Variants in TOX3 observed in about 807,000 individuals in gnomAD.
TOX3 encodes the protein TOX high mobility group box family member 3.
A neutral mutation model predicts 64.3 loss-of-function variants in TOX3; 22 were observed. The observed-to-expected ratio is 0.34, with a 90% CI of 0.24 to 0.49. The LOEUF is 0.49. TOX3 is among the 20% of genes least tolerant of loss of function. The pLI, the probability that TOX3 is intolerant of heterozygous loss-of-function variation, is 0.99. For synonymous variants in TOX3, 291 were observed against 273.6 expected, an observed-to-expected ratio of 1.06 and a Z score of -0.63; for missense variants, 661 against 714.4, an observed-to-expected ratio of 0.93 and a Z score of 0.85.
At chr16:52,465,005 C>CTTTTTTT (rs1168498170) in intron 2 of TOX3, among the ~76,000 whole-genome samples, 1,911 of 70,954 alleles carry the variant, frequency 0.027, 486 homozygotes, top group Non-Finnish European at 0.031. Flanking sequence ...TTAATGCATT[C>CTTTTTTT]TTTTTTTTTT....
At chr16:52,510,356 T>C (rs79515157) in intron 1 of TOX3, among the ~76,000 whole-genome samples, 1 of 152,158 alleles carries the variant, frequency 6.6e-6, no homozygotes, top group Admixed American at 6.5e-5. Context: ...AGTAAGTATG[T>C]TGAGCAGAAA....
chr16:52,463,670 T>C (rs536872381), intron 3 of TOX3, among the ~76,000 whole-genome samples: 17 of 152,224 alleles, frequency 1.1e-4, no homozygotes, highest in African/African-American at 3.9e-4. Flanking sequence ...ATTGGCTACT[T>C]CCAAATTAAT....
In TOX3 at chr16:52,478,215, A is replaced by G. The variant is rs541325744; in HGVS notation, c.88-9641T>C. 4.6e-5 allele frequency among the ~76,000 whole-genome samples: 7 copies of G among 152,294 alleles called. No homozygotes were observed. In the South Asian group the frequency reaches 1.5e-3, roughly 32 times the overall value. On this transcript the variant is annotated intron_variant, in intron 1 of 6. Coordinates refer to ENST00000219746, the MANE Select transcript of TOX3 (RefSeq NM_001080430.4). ...GCCATGGGCTACAAGTCCCTATATC[A>G]TCTGGGTGCTGGCTCCTTCTCCAAA...
chr16:52,446,761 G>A (rs143933830), intron 4 of TOX3, among the ~76,000 whole-genome samples: 2 of 151,880 alleles, frequency 1.3e-5, no homozygotes, highest in Non-Finnish European at 2.9e-5. Context: ...ATGGAAGTTA[G>A]CTCCAATTTC....
At chr16:52,508,724 T>G (rs1174350965) in intron 1 of TOX3, among the ~76,000 whole-genome samples, 1 of 152,104 alleles carries the variant, frequency 6.6e-6, no homozygotes, top group Non-Finnish European at 1.5e-5. Flanking sequence ...GAGTTGCAAC[T>G]GAGAAGCGCA....
At chr16:52,510,347 G>A (rs911573993) in intron 1 of TOX3, among the ~76,000 whole-genome samples, 5 of 152,170 alleles carry the variant, frequency 3.3e-5, no homozygotes, top group African/African-American at 1.2e-4. Flanking sequence ...CAAATCTAGA[G>A]TAAGTATGTT....
intron 1 of TOX3, among the ~76,000 whole-genome samples, chr16:52,531,423 C>G (rs937616320): frequency 6.6e-6 from 1 of 152,108 alleles, no homozygotes; most frequent in African/African-American, 2.4e-5. Context: ...ATACTAAATA[C>G]GGAGGGTGTT....
In TOX3 at chr16:52,439,319, G is replaced by A; in HGVS notation, c.1637C>T (p.Ala546Val). The A allele has an allele frequency of 6.2e-7, 1 of 1,613,558 alleles. No homozygotes were observed. Among genetic ancestry groups the A allele is most frequent in the Non-Finnish European group, 8.5e-7 (1 of 1,179,630 alleles). Residue 546 changes from alanine to valine, a missense_variant, in exon 7 of 7, where the codon GCC becomes GTC. Ala to Val is a moderately conservative substitution (Grantham distance 64, BLOSUM62 0). Around this residue, in one of 3 missense-constraint regions of TOX3, gnomAD observed 299 missense variants for 292.1 expected, o/e 1.02. Transcript: ENST00000219746. ...AGAGGCTGGCTGGGGGCTCCCGATG[G>A]CAGGGATGGGGGATGTTATCTGAGA... ...VASQITSPIP[A>V]IGSPQPASQQ... is the part of the protein sequence containing the mutation.
chr16:52,446,355 G>C (rs1028560201), intron 4 of TOX3, 134 bp from the exon 5 acceptor site: 1 of 904,132 alleles, frequency 1.1e-6, no homozygotes, highest in Admixed American at 2.8e-5. Context: ...CCAAAAGCGG[G>C]GGAGGGGTAA....
chr16:52,458,419 A>G (rs568851578), intron 3 of TOX3, among the ~76,000 whole-genome samples: 1 of 152,274 alleles, frequency 6.6e-6, no homozygotes, highest in South Asian at 2.1e-4. Flanking sequence ...CACCTCTCCA[A>G]AAAATATTTG....
chr16:52,478,762 T>A (rs762204573), intron 1 of TOX3, among the ~76,000 whole-genome samples: 5 of 152,128 alleles, frequency 3.3e-5, no homozygotes, highest in Non-Finnish European at 7.3e-5. Flanking sequence ...TGAACTTCTG[T>A]TTCCTCACTT....
intron 1 of TOX3, among the ~76,000 whole-genome samples, chr16:52,471,349 C>A (rs368595101): frequency 6.6e-6 from 1 of 152,064 alleles, no homozygotes; most frequent in African/African-American, 2.4e-5. Flanking sequence ...ACCTATGAAT[C>A]CTGCTTTAGT....
chr16:52,483,622 G>A (rs952105998), intron 1 of TOX3, among the ~76,000 whole-genome samples: 1 of 143,562 alleles, frequency 7.0e-6, no homozygotes, highest in Non-Finnish European at 1.5e-5. Context: ...AGGCTGGAGT[G>A]CAGTGGCGCG....
intron 1 of TOX3, among the ~76,000 whole-genome samples, chr16:52,508,657 G>A (rs1039259976): frequency 8.6e-5 from 13 of 152,038 alleles, no homozygotes; most frequent in African/African-American, 2.7e-4. Flanking sequence ...GAAAAAACAA[G>A]GGAATAATAA....
At chr16:52,495,217 G>T (rs981043806) in intron 1 of TOX3, among the ~76,000 whole-genome samples, 4 of 152,258 alleles carry the variant, frequency 2.6e-5, no homozygotes, top group African/African-American at 9.6e-5. Context: ...GAAAGGAGTT[G>T]GGAGCCCAGA....
rs145462924 is a variant in TOX3 at position 52,528,390 on chromosome 16, G to A, written c.87+18247C>T. 5.3e-3 allele frequency among the ~76,000 whole-genome samples: 803 copies of A among 151,940 alleles called. 6 individuals are homozygous for A. Among genetic ancestry groups the A allele is most frequent in the African/African-American group, 0.018 (747 of 41,462 alleles). On this transcript the variant is annotated intron_variant, in intron 1 of 6. Transcript: ENST00000219746. ...TATAACCCCCTAGGAAGTGTGTGCT[G>A]TGGGCAAGACTTGATCTGTTTTTTT...
Position 52,439,423 on chromosome 16 carries a change from C to A in TOX3, c.1533G>T (p.Gln511His). ...INQQQLQQQL[Q>H]QRLQLQQLQH... ...GCAGCTGCTGCAGCTGGAGGCGCTGCTGCAGCTGCTGCTGCAGCTGCTGTT... is the reference window on the plus strand; with the variant it reads ...GCAGCTGCTGCAGCTGGAGGCGCTGATGCAGCTGCTGCTGCAGCTGCTGTT... Residue 511 changes from glutamine (Q) to histidine (H), a missense_variant, in exon 7 of 7, where the codon CAG becomes CAT. Transcript: ENST00000219746. The A allele has an allele frequency of 6.4e-7, 1 of 1,553,188 alleles. No homozygotes were observed. Among genetic ancestry groups the A allele is most frequent in the South Asian group, 1.2e-5 (1 of 86,264 alleles).
At chr16:52,488,805 T>C (rs187679) in intron 1 of TOX3, among the ~76,000 whole-genome samples, 71,037 of 151,918 alleles carry the variant, frequency 0.47, 17,017 homozygotes, top group East Asian at 0.57. Flanking sequence ...ACGATTAATA[T>C]ACCTTGGAGA....
rs531963975 is a variant in TOX3, at chr16:52,473,512, G to C, written c.88-4938C>G. Among the ~76,000 whole-genome samples the C allele has an allele frequency of 2.5e-4, 38 of 152,274 alleles. No individual in the cohort carries two copies. The Middle Eastern group carries it at 0.02, about 82-fold the overall frequency. On this transcript the variant is annotated intron_variant, in intron 1 of 6. Coordinates refer to ENST00000219746, the MANE Select transcript of TOX3 (RefSeq NM_001080430.4). ...TGCCATGATGGATCAAGTGTGCCAC[G>C]CACGGTCACATGCTGGCAGAGGCCG...
Sources: gnomAD v4.1 joint callset for allele counts (sites outside exome capture counted in the v4.1 genomes callset) on GRCh38, gnomAD v4.1.1 for gene constraint, gnomAD v4.1.1 regional missense constraint, MANE v1.5 for transcripts, NCBI Gene and HGNC (gene_info 2026-07-23, HGNC 2026-07-21) for gene names.